Variants in RBMS3 observed in about 807,000 individuals in gnomAD.
The protein encoded by RBMS3 is RNA-binding motif, single-stranded-interacting protein 3.
RBMS3 carries 27 observed loss-of-function variants against 66.8 expected under a neutral mutation model. The observed-to-expected ratio is 0.40, with a 90% CI of 0.30 to 0.56. RBMS3 has a LOEUF of 0.56. Among genes scored for constraint, RBMS3 ranks in the 20% least tolerant of loss-of-function variants. The pLI, the probability that RBMS3 is intolerant of heterozygous loss-of-function variation, is 0.40. For missense variants in RBMS3, 513 were observed against 549.5 expected, an observed-to-expected ratio of 0.93 and a Z score of 0.66; for synonymous variants, 188 against 183.0, an observed-to-expected ratio of 1.03 and a Z score of -0.22.
At chr3:29,478,211 T>C (rs1194445309) in intron 2 of RBMS3, among the ~76,000 whole-genome samples, 1 of 152,172 alleles carries the variant, frequency 6.6e-6, no homozygotes, top group African/African-American at 2.4e-5. Context: ...TGAGAACCAA[T>C]TGTCAGTCTA....
intron 4 of RBMS3, among the ~76,000 whole-genome samples, chr3:29,614,016 T>C (rs2048576471): frequency 6.6e-6 from 1 of 152,148 alleles, no homozygotes; most frequent in Admixed American, 6.6e-5. Context: ...GTGAAAGAGA[T>C]AACTGCTCAT....
At chr3:29,743,674 C>A (rs1021464859) in intron 5 of RBMS3, among the ~76,000 whole-genome samples, 3 of 151,746 alleles carry the variant, frequency 2.0e-5, no homozygotes, top group Admixed American at 1.3e-4. Flanking sequence ...TTGCTGGGCC[C>A]ACTCTTAAAG....
At chr3:29,404,246 C>G (rs906815407) in intron 1 of RBMS3, among the ~76,000 whole-genome samples, 1 of 152,074 alleles carries the variant, frequency 6.6e-6, no homozygotes, top group African/African-American at 2.4e-5. Context: ...TTGAGTGGGA[C>G]CAATCCGTGA....
intron 3 of RBMS3, among the ~76,000 whole-genome samples, chr3:29,502,386 A>G (rs1008171882): frequency 6.6e-6 from 1 of 152,136 alleles, no homozygotes; most frequent in Non-Finnish European, 1.5e-5. Flanking sequence ...TCTTTCTCCC[A>G]TAAAATAATC....
intron 9 of RBMS3, among the ~76,000 whole-genome samples, chr3:29,897,950 T>A (rs1250120863): frequency 6.6e-6 from 1 of 151,616 alleles, no homozygotes; most frequent in Non-Finnish European, 1.5e-5. Flanking sequence ...CAGAAGAAAT[T>A]ATCAAAGTGG....
At chr3:29,965,291 G>T (rs557751655) in intron 12 of RBMS3, among the ~76,000 whole-genome samples, 2 of 152,052 alleles carry the variant, frequency 1.3e-5, no homozygotes, top group Non-Finnish European at 1.5e-5. Flanking sequence ...GTTCTTCAAG[G>T]AATATCCACA....
chr3:29,993,609 A>T (rs1699022828), intron 14 of RBMS3, among the ~76,000 whole-genome samples: 1 of 152,162 alleles, frequency 6.6e-6, no homozygotes, highest in Non-Finnish European at 1.5e-5. Flanking sequence ...GAGCAAAAAG[A>T]TTGAACCTCT....
chr3:29,995,960 GAC>G (rs1234392363), intron 14 of RBMS3, among the ~76,000 whole-genome samples: 1 of 152,076 alleles, frequency 6.6e-6, no homozygotes, highest in Non-Finnish European at 1.5e-5. Flanking sequence ...CCAATTAAAA[GAC>G]ACAGACTGGC....
At chr3:29,941,560 AC>A (rs1185461387) in intron 11 of RBMS3, among the ~76,000 whole-genome samples, 3 of 151,848 alleles carry the variant, frequency 2.0e-5, no homozygotes, top group Admixed American at 2.0e-4. Context: ...AAAATGAAAG[AC>A]CTTTGAAGGG....
At chr3:29,378,487 TAAAA>T (rs199545473) in intron 1 of RBMS3, among the ~76,000 whole-genome samples, 2 of 25,978 alleles carry the variant, frequency 7.7e-5, no homozygotes, top group Non-Finnish European at 1.1e-4. Flanking sequence ...AATAAAACAT[TAAAA>T]AAAAAAACAA....
intron 6 of RBMS3, among the ~76,000 whole-genome samples, chr3:29,806,529 C>A (rs4396848): frequency 2.0e-5 from 3 of 151,658 alleles, no homozygotes. Context: ...GTGAAGAAAG[C>A]CAGCACAATT....
At chr3:29,900,323 C>T (rs2149608587) in intron 10 of RBMS3, among the ~76,000 whole-genome samples, 1 of 151,870 alleles carries the variant, frequency 6.6e-6, no homozygotes, top group Middle Eastern at 3.4e-3. Context: ...TAAATATTTT[C>T]ATGTTAATTA....
intron 3 of RBMS3, among the ~76,000 whole-genome samples, chr3:29,528,257 C>T (rs893786852): frequency 1.5e-4 from 23 of 152,012 alleles, no homozygotes; most frequent in Admixed American, 3.9e-4. Flanking sequence ...GGATTACAGG[C>T]GCCAGCCACC....
At chr3:29,589,326 C>A (rs2047644275) in intron 4 of RBMS3, among the ~76,000 whole-genome samples, 1 of 152,050 alleles carries the variant, frequency 6.6e-6, no homozygotes, top group African/African-American at 2.4e-5. Context: ...ATTTTAAAGA[C>A]CTCCTAAAAC....
chr3:29,530,903 A>T lies in RBMS3; in HGVS notation c.307+42404A>T, dbSNP rs116186662. On this transcript the variant is annotated intron_variant, in intron 3 of 14. Coordinates refer to ENST00000383767, the MANE Select transcript of RBMS3 (RefSeq NM_001003793.3). ...AAAAAAAAAGTGTTTCAATGCTTAC[A>T]TAATCTGATCTAAAAGGTTTTGTAT... Among the ~76,000 whole-genome samples, 684 of 152,126 alleles carry T rather than the reference A, an allele frequency of 4.5e-3. 4 individuals carry two copies. The highest frequency in any genetic ancestry group is 0.015 in the African/African-American group (637 of 41,482).
At chr3:29,917,391 C>A (rs1448869044) in intron 10 of RBMS3, among the ~76,000 whole-genome samples, 1 of 152,036 alleles carries the variant, frequency 6.6e-6, no homozygotes, top group Non-Finnish European at 1.5e-5. Context: ...TTTGCTTTTT[C>A]ATTTAAACAA....
chr3:29,946,835 T>G (rs913519404), intron 12 of RBMS3, among the ~76,000 whole-genome samples: 4 of 151,632 alleles, frequency 2.6e-5, no homozygotes, highest in East Asian at 1.9e-4. Context: ...TTTGAAGCTA[T>G]GGACTATGTA....
At chr3:29,345,148 C>T (rs2036501254) in intron 1 of RBMS3, among the ~76,000 whole-genome samples, 1 of 152,238 alleles carries the variant, frequency 6.6e-6, no homozygotes, top group Non-Finnish European at 1.5e-5. Context: ...GAGCTATTGA[C>T]TGGGGTCCTC....
chr3:29,957,923 G>A (rs1696155328), intron 12 of RBMS3, among the ~76,000 whole-genome samples: 2 of 152,032 alleles, frequency 1.3e-5, no homozygotes, highest in Admixed American at 6.6e-5. Context: ...AGATTCTCTG[G>A]ACACACATCA....
Sources: gnomAD v4.1 joint callset for allele counts (sites outside exome capture counted in the v4.1 genomes callset) on GRCh38, gnomAD v4.1.1 for gene constraint, MANE v1.5 for transcripts, NCBI Gene and HGNC (gene_info 2026-07-23, HGNC 2026-07-21) for gene names.